Variants in GABRR1 observed in about 807,000 individuals in gnomAD.
GABRR1 encodes the protein gamma-aminobutyric acid type A receptor subunit rho1, also known as gamma-aminobutyric acid receptor subunit rho-1.
In GABRR1, 59 loss-of-function variants were observed where a neutral mutation model predicts 55.5. The ratio of observed to expected loss-of-function variants is 1.06; its 90% confidence interval spans 0.86 to 1.32. The LOEUF is 1.32. Among genes scored for constraint, GABRR1 ranks in the 40% most tolerant of loss-of-function variants. The probability of loss-of-function intolerance (pLI) is 0.00; values close to 1 mark genes in which losing one functional copy is unlikely to be tolerated. For synonymous variants in GABRR1, 213 were observed against 226.0 expected (o/e 0.94, Z 0.51); for missense variants, 602 against 619.1 (o/e 0.97, Z 0.29).
rs755625493 is a variant in GABRR1, at chr6:89,178,959, T to C, written c.1251A>G (p.Gly417=). The change falls in exon 10 of 10, where the codon GGA becomes GGG. Residue 417 remains glycine (G), a synonymous_variant. Coordinates refer to ENST00000454853, the MANE Select transcript of GABRR1 (RefSeq NM_002042.5). ...NDLDNYMPEN[G]EKPDRMMVQL... ...GCACCATCATCCTGTCGGGCTTCTCTCCATTCTCTGGCATGTAGTTGTCCA... is the reference window on the plus strand; with the variant it reads ...GCACCATCATCCTGTCGGGCTTCTCCCCATTCTCTGGCATGTAGTTGTCCA... The C allele has an allele frequency of 6.2e-7, 1 of 1,614,184 alleles. No homozygotes were observed. The highest frequency in any genetic ancestry group is 8.5e-7 in the Non-Finnish European group (1 of 1,180,020).
chr6:89,220,895 T>G (rs1773103653), upstream of GABRR1, among the ~76,000 whole-genome samples: 1 of 152,082 alleles, frequency 6.6e-6, no homozygotes, highest in Admixed American at 6.6e-5. Context: ...TAATTTTGTA[T>G]TTTTAGTAGA....
In GABRR1 at chr6:89,185,329, C is replaced by A; in HGVS notation, c.777G>T (p.Leu259=). The change falls in exon 7 of 10, where the codon CTG becomes CTT. Residue 259 remains leucine, a synonymous_variant. Transcript: ENST00000454853. Reference sequence around the variant, plus strand: ...ACTTACCTGTGCTGCTGTAGAAAGCCAGTTTGGTGGTGGTGTGGAATTCCT... The same window carrying A: ...ACTTACCTGTGCTGCTGTAGAAAGCAAGTTTGGTGGTGGTGTGGAATTCCT... ...LIQEFHTTTK[L]AFYSSTGWYN... 1 of 1,613,948 alleles carries A rather than the reference C, an allele frequency of 6.2e-7. No homozygotes were observed. The highest frequency in any genetic ancestry group is 8.5e-7 in the Non-Finnish European group (1 of 1,179,870).
chr6:89,203,748 C>T (rs1173571264), intron 1 of GABRR1, among the ~76,000 whole-genome samples: 1 of 152,230 alleles, frequency 6.6e-6, no homozygotes, highest in Non-Finnish European at 1.5e-5. Flanking sequence ...CACTGGTCTA[C>T]CCGGGCGTGA....
At chr6:89,207,149 G>A (rs1033639348) in intron 1 of GABRR1, among the ~76,000 whole-genome samples, 34 of 152,100 alleles carry the variant, frequency 2.2e-4, no homozygotes, top group Non-Finnish European at 3.7e-4. Context: ...TCAGTAGAAG[G>A]AAATATACCA....
At chr6:89,200,885 C>CCTA (rs1772449233) in intron 3 of GABRR1, among the ~76,000 whole-genome samples, 1 of 152,182 alleles carries the variant, frequency 6.6e-6, no homozygotes, top group South Asian at 2.1e-4. Context: ...TCCTGCCCTT[C>CCTA]CTACAGCCAG....
intron 7 of GABRR1, among the ~76,000 whole-genome samples, chr6:89,183,978 G>C (rs1280676539): frequency 6.6e-6 from 1 of 152,152 alleles, no homozygotes; most frequent in African/African-American, 2.4e-5. Context: ...AGTGGTTCAT[G>C]CCTGTAATCC....
At chr6:89,219,589 T>C (rs1773082338), upstream of GABRR1, among the ~76,000 whole-genome samples, 1 of 152,230 alleles carries the variant, frequency 6.6e-6, no homozygotes, top group South Asian at 2.1e-4. Context: ...TTCTAAGCCT[T>C]GTCCAGCGGG....
intron 1 of GABRR1, among the ~76,000 whole-genome samples, chr6:89,205,963 C>T (rs558610382): frequency 6.7e-6 from 1 of 149,340 alleles, no homozygotes; most frequent in East Asian, 2.0e-4. Flanking sequence ...ACTTCTCAGA[C>T]ATGTACTGCT....
chr6:89,192,113 C>A (rs1772112437), intron 5 of GABRR1, among the ~76,000 whole-genome samples: 1 of 152,044 alleles, frequency 6.6e-6, no homozygotes, highest in Non-Finnish European at 1.5e-5. Flanking sequence ...TCTTCCCACA[C>A]AGGTGGAAGC....
At chr6:89,218,966 A>G (rs1401754035), upstream of GABRR1, among the ~76,000 whole-genome samples, 1 of 147,504 alleles carries the variant, frequency 6.8e-6, no homozygotes, top group Non-Finnish European at 1.5e-5. Context: ...TCTTAGCAGG[A>G]TAGAAAATAA....
At position 89,182,002 on chromosome 6, in the gene GABRR1, G is replaced by C. The variant is rs1238371761; in HGVS notation, c.852C>G (p.Phe284Leu). 3 of 1,607,742 alleles carry C rather than the reference G, an allele frequency of 1.9e-6. No individual in the cohort carries two copies. The highest frequency in any genetic ancestry group is 1.7e-6 in the Non-Finnish European group (2 of 1,175,270). ...NFTLRRHIFF[F>L]LLQTYFPATL... ...TAGCGGGGAAATAAGTTTGGAGCAAGAAGAAGAAGATGTGGCGACGCAACG... is the reference window on the plus strand; with the variant it reads ...TAGCGGGGAAATAAGTTTGGAGCAACAAGAAGAAGATGTGGCGACGCAACG... Residue 284 changes from phenylalanine to leucine, a missense_variant, in exon 8 of 10, where the codon TTC becomes TTG. Coordinates refer to ENST00000454853, the MANE Select transcript of GABRR1 (RefSeq NM_002042.5).
At chr6:89,208,290 G>A (rs1772714265) in intron 1 of GABRR1, among the ~76,000 whole-genome samples, 1 of 152,166 alleles carries the variant, frequency 6.6e-6, no homozygotes, top group African/African-American at 2.4e-5. Context: ...AATGAGTTGA[G>A]CATTTTGTAT....
chr6:89,186,022 C>T (rs1027483388), intron 6 of GABRR1, among the ~76,000 whole-genome samples: 1 of 152,172 alleles, frequency 6.6e-6, no homozygotes, highest in East Asian at 1.9e-4. Context: ...TGATCATCAC[C>T]CTTTCTGGTG....
rs143144903 is a variant in GABRR1 at position 89,178,950 on chromosome 6, G to A, written c.1260C>T (p.Pro420=). 1.8e-4 allele frequency: 290 copies of A among 1,614,052 alleles called. No individual in the cohort carries two copies. The African/African-American group carries it at 2.7e-3, about 15-fold the overall frequency. Residue 420 remains proline (P), a synonymous_variant, in exon 10 of 10, where the codon CCC becomes CCT. Transcript: ENST00000454853. ...DNYMPENGEK[P]DRMMVQLTLA... is the part of the protein sequence containing the mutation. ...GGGTCAGCTGCACCATCATCCTGTC[G>A]GGCTTCTCTCCATTCTCTGGCATGT...
intron 1 of GABRR1, among the ~76,000 whole-genome samples, chr6:89,206,442 T>G: frequency 6.6e-6 from 1 of 152,154 alleles, no homozygotes; most frequent in Non-Finnish European, 1.5e-5. Context: ...TCATACCCTT[T>G]GTTACCCAGA....
chr6:89,189,019 G>T (rs997652196), intron 6 of GABRR1, among the ~76,000 whole-genome samples: 1 of 151,142 alleles, frequency 6.6e-6, no homozygotes, highest in Admixed American at 6.7e-5. Context: ...CATCAAAAAT[G>T]AGCTCTCTGG....
intron 5 of GABRR1, among the ~76,000 whole-genome samples, chr6:89,193,114 C>T (rs952660263): frequency 6.6e-6 from 1 of 152,164 alleles, no homozygotes; most frequent in Non-Finnish European, 1.5e-5. Context: ...GTCTCCTCCA[C>T]TAGCCTGCAG....
intron 6 of GABRR1, among the ~76,000 whole-genome samples, chr6:89,187,208 G>GGGTGTGT (rs1562287316): frequency 8.2e-5 from 12 of 146,052 alleles, no homozygotes; most frequent in African/African-American, 2.9e-4. Context: ...GTTTCTGGGG[G>GGGTGTGT]GTGTGTGTGT....
At chr6:89,189,295 A>G (rs1772010766) in intron 6 of GABRR1, among the ~76,000 whole-genome samples, 2 of 150,926 alleles carry the variant, frequency 1.3e-5, no homozygotes, top group Non-Finnish European at 2.9e-5. Flanking sequence ...GATTAAGAAA[A>G]TGTGGCACAT....
Sources: gnomAD v4.1 joint callset for allele counts (sites outside exome capture counted in the v4.1 genomes callset) on GRCh38, gnomAD v4.1.1 for gene constraint, MANE v1.5 for transcripts, NCBI Gene and HGNC (gene_info 2026-07-23, HGNC 2026-07-21) for gene names.